SULF1: variants seen among roughly 807,000 people sequenced by gnomAD.
The protein encoded by SULF1 is extracellular sulfatase Sulf-1.
SULF1 carries 46 observed loss-of-function variants against 110.5 expected under a neutral mutation model. The ratio of observed to expected loss-of-function variants is 0.42; its 90% CI spans 0.33 to 0.53. The LOEUF (loss-of-function observed/expected upper bound fraction) is 0.53. SULF1 is among the 20% of genes least tolerant of loss of function. The probability of loss-of-function intolerance (pLI) is 0.12; values close to 1 mark genes in which losing one functional copy is unlikely to be tolerated. For missense variants in SULF1, 941 were observed against 1,094.2 expected, an observed-to-expected ratio of 0.86 and a Z score of 1.98; for synonymous variants, 371 against 387.1, an observed-to-expected ratio of 0.96 and a Z score of 0.49.
At position 69,526,867 on chromosome 8, in the gene SULF1, A is replaced by AGGAAG. The variant is rs145918345; in HGVS notation, c.-134+24915_-134+24919dup. Among the ~76,000 whole-genome samples, 3 of 148,782 alleles carry AGGAAG rather than the reference A, an allele frequency of 2.0e-5. 1 individual carries two copies. The highest frequency in any genetic ancestry group is 4.5e-5 in the Non-Finnish European group (3 of 67,154). ...GGAGGAAGGAAGGAAGGAAAGAAGG[A>AGGAAG]GGAAGGGAAGGGAAGGGAAGAAAGG... On this transcript the variant is annotated intron_variant, in intron 3 of 22. Transcript: ENST00000402687.
intron 22 of SULF1, among the ~76,000 whole-genome samples, chr8:69,655,570 TC>T (rs1310102269): frequency 2.0e-5 from 3 of 152,204 alleles, no homozygotes; most frequent in African/African-American, 7.2e-5. Flanking sequence ...TTGTGTTTTT[TC>T]TTTTTTGGTA....
intron 22 of SULF1, among the ~76,000 whole-genome samples, chr8:69,643,055 G>T (rs1436987631): frequency 6.6e-6 from 1 of 152,082 alleles, no homozygotes; most frequent in African/African-American, 2.4e-5. Flanking sequence ...AGGATACTGT[G>T]TAACTTGAAA....
chr8:69,556,337 A>G (rs2150705051), intron 3 of SULF1, among the ~76,000 whole-genome samples: 1 of 152,340 alleles, frequency 6.6e-6, no homozygotes, highest in Admixed American at 6.5e-5. Context: ...GAACTGGGTC[A>G]CTTCCAGGTT....
Position 69,658,718 on chromosome 8 carries a change from A to G in SULF1, c.*183A>G, listed in dbSNP as rs1288635588. Reference sequence around the variant, plus strand: ...AGTCACTATGAGCAAAATAAAACAAATAAGACTCAAACTGCTCAAAGTGAC... The same window carrying G: ...AGTCACTATGAGCAAAATAAAACAAGTAAGACTCAAACTGCTCAAAGTGAC... On this transcript the variant is annotated 3_prime_UTR_variant, in exon 23 of 23. Coordinates refer to ENST00000402687, the MANE Select transcript of SULF1 (RefSeq NM_001128205.2). 2.9e-6 allele frequency: 2 copies of G among 690,878 alleles called. No homozygotes were observed. Among genetic ancestry groups the G allele is most frequent in the Non-Finnish European group, 5.3e-6 (2 of 377,158 alleles). The allele number at this position is 690,878 out of a possible 1,614,324, so 42.8% of individuals were successfully genotyped here.
Position 69,554,978 on chromosome 8 carries a change from C to CAAAAAAAAAAAAAAAAAA in SULF1, c.-133-8558_-133-8541dup, listed in dbSNP as rs141225696. Among the ~76,000 whole-genome samples, 4 of 63,482 alleles carry CAAAAAAAAAAAAAAAAAA rather than the reference C, an allele frequency of 6.3e-5. 1 individual carries two copies. Among genetic ancestry groups the CAAAAAAAAAAAAAAAAAA allele is most frequent in the African/African-American group, 2.0e-4 (2 of 10,062 alleles). 41.6% of individuals were successfully genotyped at this position (63,482 alleles called of 152,430 possible). A position where few individuals can be genotyped will look rare whatever the true frequency, so the allele number is the denominator to read the frequency against. ...TGGGCGACAGGGCGAGATTCCATCT[C>CAAAAAAAAAAAAAAAAAA]AAAAAAAAAAAAAAAAAAAACAAAA... On this transcript the variant is annotated intron_variant, in intron 3 of 22. Coordinates refer to ENST00000402687, the MANE Select transcript of SULF1 (RefSeq NM_001128205.2).
At chr8:69,641,942 G>A (rs1009571116) in intron 22 of SULF1, among the ~76,000 whole-genome samples, 7 of 151,790 alleles carry the variant, frequency 4.6e-5, no homozygotes, top group African/African-American at 1.5e-4. Flanking sequence ...GGCAATATTC[G>A]CCATTGCTAA....
chr8:69,537,878 GA>G (rs1306422312), intron 3 of SULF1, among the ~76,000 whole-genome samples: 14 of 146,842 alleles, frequency 9.5e-5, no homozygotes, highest in African/African-American at 3.0e-4. Flanking sequence ...AACTGAAACA[GA>G]AGAAAAAGAG....
At chr8:69,627,424 T>C (rs1305424804) in intron 16 of SULF1, 118 bp downstream of exon 16, 5 of 585,308 alleles carry the variant, frequency 8.5e-6, no homozygotes, top group African/African-American at 4.0e-5. Context: ...TGTGAAAAAA[T>C]ACAAAAAAAA....
intron 22 of SULF1, among the ~76,000 whole-genome samples, chr8:69,644,203 G>A (rs753304689): frequency 6.6e-6 from 1 of 152,198 alleles, no homozygotes; most frequent in Non-Finnish European, 1.5e-5. Context: ...TGACACAGCC[G>A]TGTGTTCGTG....
intron 8 of SULF1, among the ~76,000 whole-genome samples, chr8:69,595,793 G>A (rs976201335): frequency 1.3e-5 from 2 of 152,108 alleles, no homozygotes; most frequent in East Asian, 1.9e-4. Context: ...TCACTGGAGC[G>A]ACACCAAAGG....
rs1808163583 is a variant in SULF1 at position 69,605,512 on chromosome 8, T to C, written c.1377+580T>C. ...TCCTCTTCGTTAGTAGAAATATTAC[T>C]ATAGACCCCAGAGCTACCCAGAATA... On this transcript the variant is annotated intron_variant, in intron 13 of 22. Transcript: ENST00000402687. Among the ~76,000 whole-genome samples, 5 of 152,226 alleles carry C rather than the reference T, an allele frequency of 3.3e-5. No individual in the cohort carries two copies. In the South Asian group the frequency reaches 1.0e-3, roughly 31 times the overall value.
intron 2 of SULF1, among the ~76,000 whole-genome samples, chr8:69,499,834 C>G (rs1478959240): frequency 6.6e-6 from 1 of 152,170 alleles, no homozygotes; most frequent in Non-Finnish European, 1.5e-5. Context: ...ACTGCAGCCT[C>G]AAACACCTGG....
chr8:69,528,704 G>A (rs1030628527), intron 3 of SULF1, among the ~76,000 whole-genome samples: 1 of 152,156 alleles, frequency 6.6e-6, no homozygotes, highest in African/African-American at 2.4e-5. Flanking sequence ...AGCACAGCAT[G>A]GCATTTAAGC....
At chr8:69,534,534 G>A (rs990524582) in intron 3 of SULF1, among the ~76,000 whole-genome samples, 1 of 152,114 alleles carries the variant, frequency 6.6e-6, no homozygotes, top group Non-Finnish European at 1.5e-5. Context: ...ATAAGAACAA[G>A]TATTCCTTCC....
chr8:69,580,381 A>T (rs904892287), intron 6 of SULF1, among the ~76,000 whole-genome samples: 1 of 152,202 alleles, frequency 6.6e-6, no homozygotes, highest in Non-Finnish European at 1.5e-5. Context: ...GTTTTAAGGT[A>T]AAAATAATTA....
intron 3 of SULF1, among the ~76,000 whole-genome samples, chr8:69,504,160 C>T (rs1009908656): frequency 1.3e-5 from 2 of 152,114 alleles, no homozygotes; most frequent in African/African-American, 4.8e-5. Context: ...TCATGTTGCA[C>T]TTTTCTCCCC....
At chr8:69,553,314 G>A (rs181645824) in intron 3 of SULF1, among the ~76,000 whole-genome samples, 1 of 152,198 alleles carries the variant, frequency 6.6e-6, no homozygotes, top group South Asian at 2.1e-4. Context: ...TTGATATGGA[G>A]GGCCAGACGC....
At chr8:69,589,547 T>C (rs1425240356) in intron 8 of SULF1, among the ~76,000 whole-genome samples, 5 of 152,248 alleles carry the variant, frequency 3.3e-5, no homozygotes, top group Non-Finnish European at 5.9e-5. Flanking sequence ...AACATGGATT[T>C]ATTTTCCAGG....
At chr8:69,507,247 T>C (rs893721167) in intron 3 of SULF1, among the ~76,000 whole-genome samples, 1 of 152,242 alleles carries the variant, frequency 6.6e-6, no homozygotes, top group African/African-American at 2.4e-5. Flanking sequence ...TTAAATGGCA[T>C]ACTGAAATTA....
Sources: gnomAD v4.1 joint callset for allele counts (sites outside exome capture counted in the v4.1 genomes callset) on GRCh38, gnomAD v4.1.1 for gene constraint, MANE v1.5 for transcripts, NCBI Gene and HGNC (gene_info 2026-07-23, HGNC 2026-07-21) for gene names.